The following KIAA0586 variants were observed in gnomAD, a reference collection of about 807,000 sequenced individuals.
The protein encoded by KIAA0586 is KIAA0586, also known as protein TALPID3.
A neutral mutation model predicts 169.8 loss-of-function variants in KIAA0586; 144 were observed. The ratio of observed to expected loss-of-function variants is 0.85; its 90% CI spans 0.74 to 0.97. KIAA0586 has a LOEUF of 0.97. Among genes scored for constraint, KIAA0586 ranks in the 50% least tolerant of loss-of-function variants. KIAA0586 has a pLI of 0.00. For synonymous variants in KIAA0586, 625 were observed against 612.4 expected (o/e 1.02, Z -0.30); for missense variants, 1,854 against 1,823.0 (o/e 1.02, Z -0.31).
chr14:58,488,717 C>G lies in KIAA0586; in HGVS notation c.3624C>G (p.Ala1208=), dbSNP rs367676896. The G allele has an allele frequency of 2.5e-6, 4 of 1,613,716 alleles. No individual in the cohort carries two copies. The highest frequency in any genetic ancestry group is 3.4e-6 in the Non-Finnish European group (4 of 1,179,846). The change falls in exon 24 of 31, where the codon GCC becomes GCG. Residue 1208 remains alanine, a synonymous_variant. Coordinates refer to ENST00000652326, the MANE Select transcript of KIAA0586 (RefSeq NM_001329943.3). ...CAGTTCCCTTTATGCCATTTCCTGC[C>G]GGCACCAAGGCCCCTTCCCCCTCAC... is the stretch of plus-strand genomic sequence containing the variant. The part of the protein sequence containing the change: ...PEPVPFMPFP[A]GTKAPSPSQM...
intron 30 of KIAA0586, among the ~76,000 whole-genome samples, chr14:58,542,903 A>G (rs2046736819): frequency 6.6e-6 from 1 of 151,400 alleles, no homozygotes; most frequent in Admixed American, 6.6e-5. Flanking sequence ...GCACTTTGGG[A>G]GGCCGAGGCA....
At position 58,531,334 on chromosome 14, in the gene KIAA0586, A is replaced by T. The variant is rs561874035; in HGVS notation, c.4430-8737A>T. Among the ~76,000 whole-genome samples the T allele has an allele frequency of 8.8e-4, 132 of 150,808 alleles. 1 individual carries two copies. The East Asian group carries it at 9.9e-3, about 11-fold the overall frequency. ...AGACCGAGACTCCGTCTCAAAAAAA[A>T]AAAAAAATAAAATAAATAAAAAATA... On this transcript the variant is annotated intron_variant, in intron 29 of 30. Coordinates refer to ENST00000652326, the MANE Select transcript of KIAA0586 (RefSeq NM_001329943.3).
At chr14:58,555,087 TTTTC>T (rs1457062440), downstream of KIAA0586, among the ~76,000 whole-genome samples, 22 of 146,384 alleles carry the variant, frequency 1.5e-4, 1 homozygote, top group African/African-American at 3.8e-4. Context: ...GTAGATTTCT[TTTTC>T]TTTCTTTCTT....
rs530864513 is a variant in KIAA0586, at chr14:58,505,502, C to T, written c.4169-3053C>T. 1.7e-3 allele frequency among the ~76,000 whole-genome samples: 254 copies of T among 152,304 alleles called. 1 individual carries two copies. The highest frequency in any genetic ancestry group is 3.2e-3 in the Non-Finnish European group (217 of 68,012). ...TACTCCTGGGAAGCTCTTCTATACACGAGCAAATGTATCTTTAGTTTAGAA... is the reference window on the plus strand; with the variant it reads ...TACTCCTGGGAAGCTCTTCTATACATGAGCAAATGTATCTTTAGTTTAGAA... On this transcript the variant is annotated intron_variant, in intron 27 of 30. Coordinates refer to ENST00000652326, the MANE Select transcript of KIAA0586 (RefSeq NM_001329943.3).
chr14:58,463,176 A>G (rs1388326397), intron 14 of KIAA0586, among the ~76,000 whole-genome samples: 1 of 152,190 alleles, frequency 6.6e-6, no homozygotes, highest in Non-Finnish European at 1.5e-5. Context: ...ATAGCTCCTT[A>G]GAGTGCTCTA....
chr14:58,547,667 C>G, intron 30 of KIAA0586, 114 bp from the exon 31 acceptor site: 1 of 913,542 alleles, frequency 1.1e-6, no homozygotes, highest in East Asian at 2.7e-5. Flanking sequence ...TGTAGGCAAT[C>G]CTTATTTGGA....
At chr14:58,528,024 A>G (rs527947733) in intron 29 of KIAA0586, among the ~76,000 whole-genome samples, 3 of 152,334 alleles carry the variant, frequency 2.0e-5, no homozygotes, top group Admixed American at 6.5e-5. Flanking sequence ...TTACCATGCA[A>G]ATGGAAAGCA....
intron 29 of KIAA0586, among the ~76,000 whole-genome samples, chr14:58,532,791 A>G (rs1384266477): frequency 1.3e-5 from 2 of 152,174 alleles, no homozygotes; most frequent in East Asian, 3.8e-4. Flanking sequence ...TTGGGTTTCT[A>G]AGTAAGAAGA....
Position 58,479,374 on chromosome 14 carries a change from C to T in KIAA0586, c.2944+2133C>T, listed in dbSNP as rs183469369. ...GACCATTTTTAAGTTCGAGTCGTGTCTTCATATTACTGAGTATGAAGTTTT... is the reference window on the plus strand; with the variant it reads ...GACCATTTTTAAGTTCGAGTCGTGTTTTCATATTACTGAGTATGAAGTTTT... On this transcript the variant is annotated intron_variant, in intron 20 of 30. Transcript: ENST00000652326. 8.1e-3 allele frequency among the ~76,000 whole-genome samples: 1,236 copies of T among 152,236 alleles called. 17 individuals are homozygous for T. Among genetic ancestry groups the T allele is most frequent in the Non-Finnish European group, 0.012 (820 of 67,998 alleles).
chr14:58,489,581 A>G (rs1291148234), intron 24 of KIAA0586, among the ~76,000 whole-genome samples: 1 of 152,032 alleles, frequency 6.6e-6, no homozygotes, highest in Admixed American at 6.6e-5. Context: ...ATATAACTCC[A>G]TATTTTTCTT....
intron 21 of KIAA0586, among the ~76,000 whole-genome samples, chr14:58,483,666 C>A (rs1743704): frequency 0.98 from 148,704 of 152,260 alleles, 72,713 homozygotes; most frequent in Non-Finnish European, 1. Flanking sequence ...ATTTCAGGAA[C>A]TTTTATTGCT....
intron 29 of KIAA0586, among the ~76,000 whole-genome samples, chr14:58,530,431 A>G (rs2045884861): frequency 6.6e-6 from 1 of 152,230 alleles, no homozygotes; most frequent in African/African-American, 2.4e-5. Context: ...ACGCTACCTG[A>G]CTTCAAACTA....
In KIAA0586 at chr14:58,461,108, T is replaced by G; in HGVS notation, c.2007T>G (p.Ser669=). The G allele has an allele frequency of 1.2e-6, 2 of 1,611,470 alleles. No homozygotes were observed. Among genetic ancestry groups the G allele is most frequent in the Non-Finnish European group, 1.7e-6 (2 of 1,178,784 alleles). Residue 669 remains serine, a synonymous_variant, in exon 14 of 31, where the codon TCT becomes TCG. Coordinates refer to ENST00000652326, the MANE Select transcript of KIAA0586 (RefSeq NM_001329943.3). Reference sequence around the variant, plus strand: ...AAGGACCATATCTCAGATTTAATTCTCCATCTCCTAAGTCCAGACCACAGA... The same window carrying G: ...AAGGACCATATCTCAGATTTAATTCGCCATCTCCTAAGTCCAGACCACAGA... ...LKKGPYLRFN[S]PSPKSRPQRP...
At chr14:58,536,851 A>G (rs373054897) in intron 29 of KIAA0586, among the ~76,000 whole-genome samples, 413 of 152,262 alleles carry the variant, frequency 2.7e-3, no homozygotes, top group Non-Finnish European at 5.1e-3. Flanking sequence ...TAAAAATATA[A>G]ATTATATTTA....
In KIAA0586 at chr14:58,488,123, T is replaced by C. The variant is rs2042598394; in HGVS notation, c.3527+14T>C. 2.0e-6 allele frequency: 3 copies of C among 1,523,520 alleles called. No individual in the cohort carries two copies. Among genetic ancestry groups the C allele is most frequent in the Non-Finnish European group, 2.7e-6 (3 of 1,114,130 alleles). 94.4% of individuals were successfully genotyped at this position (1,523,520 alleles called of 1,614,324 possible). ...TCCAAGAGCTATGTAAATGAGAACA[T>C]ACTCACTAGTAACTGTACATTTCAA... On this transcript the variant is annotated intron_variant, in intron 23 of 30. Transcript: ENST00000652326.
At chr14:58,547,621 G>C (rs2047060550) in intron 30 of KIAA0586, among the ~76,000 whole-genome samples, 160 bp from the exon 31 acceptor site, 1 of 152,104 alleles carries the variant, frequency 6.6e-6, no homozygotes, top group Non-Finnish European at 1.5e-5. Context: ...TTACCTCTCT[G>C]ACAAGTTCTG....
At chr14:58,474,432 TATG>T (rs763881045) in intron 18 of KIAA0586, among the ~76,000 whole-genome samples, 172 bp from the exon 19 acceptor site, 3 of 152,238 alleles carry the variant, frequency 2.0e-5, no homozygotes, top group African/African-American at 4.8e-5. Flanking sequence ...GGTTCCTCAA[TATG>T]ATATGTCTGA....
At chr14:58,526,478 A>G (rs532072249) in intron 29 of KIAA0586, among the ~76,000 whole-genome samples, 86 of 152,342 alleles carry the variant, frequency 5.6e-4, no homozygotes, top group Non-Finnish European at 1.0e-3. Context: ...CGTGAATGGT[A>G]GAAGGAAAAC....
Position 58,472,277 on chromosome 14 carries a change from C to T in KIAA0586, c.2632C>T (p.Gln878Ter). The change falls in exon 18 of 31, where the codon CAG (glutamine) becomes TAG (stop). Residue 878 changes from glutamine (Q) to a stop codon, truncating the protein, a stop_gained and splice_region_variant. Coordinates refer to ENST00000652326, the MANE Select transcript of KIAA0586 (RefSeq NM_001329943.3). LOFTEE classifies it high-confidence loss of function. ...CTTTGATGAAATAATCGATGTCATA[C>T]AGGTAACAAAGCTTAGAAACCATGA... Reference protein sequence around the residue: ...TNFDEIIDVIQEEEKCDEIPD... With the variant: ...TNFDEIIDVI 1 of 1,533,350 alleles carries T rather than the reference C, an allele frequency of 6.5e-7. No individual in the cohort carries two copies. Among genetic ancestry groups the T allele is most frequent in the Non-Finnish European group, 8.8e-7 (1 of 1,133,110 alleles). The allele number at this position is 1,533,350 out of a possible 1,614,324, so 95.0% of individuals were successfully genotyped here. A position where few individuals can be genotyped will look rare whatever the true frequency, so the allele number is the denominator to read the frequency against.
Sources: allele counts gnomAD v4.1 joint callset (sites outside exome capture counted in the v4.1 genomes callset), GRCh38; gene constraint gnomAD v4.1.1; transcripts MANE v1.5; gene names NCBI Gene and HGNC (gene_info 2026-07-23, HGNC 2026-07-21).